CDH11: variants seen among roughly 807,000 people sequenced by gnomAD.
CDH11 encodes cadherin 11, also known as cadherin-11.
Under a neutral mutation model 67.8 loss-of-function variants are expected in CDH11, and 11 were observed. The observed-to-expected ratio is 0.16, with a 90% confidence interval of 0.10 to 0.27. The LOEUF (loss-of-function observed/expected upper bound fraction) is 0.27. CDH11 is among the 10% of genes least tolerant of loss of function. The probability of loss-of-function intolerance (pLI) is 1.00; values close to 1 mark genes in which losing one functional copy is unlikely to be tolerated. For synonymous variants in CDH11, 419 were observed against 400.0 expected, an observed-to-expected ratio of 1.05 and a Z score of -0.57; for missense variants, 847 against 1,031.2, an observed-to-expected ratio of 0.82 and a Z score of 2.45.
chr16:64,984,737 T>C (rs944223580), intron 7 of CDH11: 1 of 152,174 alleles, frequency 6.6e-6, no homozygotes, highest in African/African-American at 2.4e-5. Context: ...GATTCGTCAA[T>C]AGGATGGGAT....
At chr16:64,988,124 C>A (rs764954493) in intron 7 of CDH11, 33 bp downstream of exon 7, 2 of 1,550,492 alleles carry the variant, frequency 1.3e-6, no homozygotes, top group Non-Finnish European at 1.8e-6. Context: ...CAGGCCATAC[C>A]ACTGACACGT....
chr16:65,050,903 T>C (rs923183106), intron 2 of CDH11, among the ~76,000 whole-genome samples: 3 of 152,096 alleles, frequency 2.0e-5, no homozygotes, highest in Admixed American at 2.0e-4. Flanking sequence ...TTGCCCCTAT[T>C]ATCTAGAAAA....
At chr16:65,013,924 C>A (rs2073237269) in intron 2 of CDH11, among the ~76,000 whole-genome samples, 1 of 152,078 alleles carries the variant, frequency 6.6e-6, no homozygotes, top group Admixed American at 6.5e-5. Context: ...TGTACAGTAC[C>A]TGTCATATGG....
chr16:64,990,939 A>G (rs1249062829), intron 6 of CDH11, among the ~76,000 whole-genome samples: 1 of 152,140 alleles, frequency 6.6e-6, no homozygotes, highest in Non-Finnish European at 1.5e-5. Flanking sequence ...AACATGGCCA[A>G]AACAATATCT....
intron 2 of CDH11, among the ~76,000 whole-genome samples, chr16:65,029,679 A>T (rs536756019): frequency 9.2e-5 from 14 of 152,348 alleles, no homozygotes; most frequent in African/African-American, 3.1e-4. Flanking sequence ...ATGGGAGAAC[A>T]TTGAACGTTG....
chr16:65,117,559 A>C (rs1304191381), intron 1 of CDH11, among the ~76,000 whole-genome samples: 1 of 152,224 alleles, frequency 6.6e-6, no homozygotes, highest in African/African-American at 2.4e-5. Context: ...ACTCTCTGCT[A>C]AAGTTAGGTT....
intron 11 of CDH11, among the ~76,000 whole-genome samples, chr16:64,953,050 T>A (rs1226418507): frequency 6.6e-6 from 1 of 152,148 alleles, no homozygotes; most frequent in African/African-American, 2.4e-5. Context: ...AAATTACTTA[T>A]AATACCCAAT....
intron 1 of CDH11, among the ~76,000 whole-genome samples, chr16:65,070,818 T>G (rs2074402683): frequency 6.6e-6 from 1 of 152,154 alleles, no homozygotes; most frequent in African/African-American, 2.4e-5. Flanking sequence ...GGAAAAGGAA[T>G]TGCTTGTTAC....
intron 1 of CDH11, among the ~76,000 whole-genome samples, chr16:65,115,724 A>AAAAC (rs2075233915): frequency 1.4e-5 from 2 of 147,316 alleles, no homozygotes; most frequent in Non-Finnish European, 1.5e-5. Context: ...AAAAAAAACA[A>AAAAC]AAAAACAAAA....
At chr16:65,094,097 C>G (rs919862783) in intron 1 of CDH11, among the ~76,000 whole-genome samples, 2 of 152,096 alleles carry the variant, frequency 1.3e-5, no homozygotes, top group Non-Finnish European at 2.9e-5. Context: ...GTCGAATGGC[C>G]TTCATAAATA....
intron 7 of CDH11, among the ~76,000 whole-genome samples, chr16:64,984,047 T>G (rs996525463): frequency 1.3e-5 from 2 of 152,196 alleles, no homozygotes; most frequent in Non-Finnish European, 2.9e-5. Context: ...CATCCCAAGC[T>G]AGGCTCTCCA....
chr16:65,109,942 C>T (rs1156753715), intron 1 of CDH11, among the ~76,000 whole-genome samples: 2 of 152,248 alleles, frequency 1.3e-5, no homozygotes, highest in Admixed American at 6.5e-5. Context: ...AGTGCAGTGG[C>T]GCAATCCCAG....
intron 1 of CDH11, chr16:65,071,987 A>G (rs1481844627): frequency 1.3e-5 from 2 of 152,232 alleles, no homozygotes; most frequent in Non-Finnish European, 2.9e-5. Flanking sequence ...AGTAACTGGC[A>G]CCTGCATTCA....
chr16:65,011,093 T>TG (rs2073173347), intron 2 of CDH11, among the ~76,000 whole-genome samples: 1 of 123,476 alleles, frequency 8.1e-6, no homozygotes, highest in African/African-American at 3.2e-5. Flanking sequence ...CACACACATA[T>TG]TTTTTATATA....
intron 1 of CDH11, among the ~76,000 whole-genome samples, chr16:65,116,326 G>A (rs2075244373): frequency 6.6e-6 from 1 of 152,156 alleles, no homozygotes; most frequent in African/African-American, 2.4e-5. Flanking sequence ...CCTAATGGAG[G>A]CTGAAATGAG....
chr16:65,103,057 C>G (rs2075018626), intron 1 of CDH11, among the ~76,000 whole-genome samples: 1 of 152,220 alleles, frequency 6.6e-6, no homozygotes, highest in South Asian at 2.1e-4. Context: ...CATGCACATT[C>G]ATGCAGGTGC....
intron 11 of CDH11, among the ~76,000 whole-genome samples, chr16:64,956,704 T>G (rs913274273): frequency 6.6e-6 from 1 of 152,178 alleles, no homozygotes; most frequent in Non-Finnish European, 1.5e-5. Flanking sequence ...AAAAACAAAT[T>G]CAGGCTTCTA....
chr16:65,017,777 A>G (rs942685177), intron 2 of CDH11, among the ~76,000 whole-genome samples: 2 of 152,160 alleles, frequency 1.3e-5, no homozygotes, highest in African/African-American at 2.4e-5. Context: ...CAGCAGCCAG[A>G]GATCACTAGT....
In CDH11 at chr16:65,121,900, C is replaced by T. The variant is rs1163151235; in HGVS notation, c.-318G>A. ...CTCACCTGGGGCCCTTGAGGGTGGA[C>T]GCAACCTCCGAGCCGCCAGTCCCTG... On this transcript the variant is annotated 5_prime_UTR_variant, in exon 1 of 13. Coordinates refer to ENST00000268603, the MANE Select transcript of CDH11 (RefSeq NM_001797.4). The surrounding 1 kb of genome is among the most constrained non-coding windows in gnomAD (Gnocchi z 4.1). 1 of 701,858 alleles carries T rather than the reference C, an allele frequency of 1.4e-6. No homozygotes were observed. The highest frequency in any genetic ancestry group is 2.0e-5 in the Admixed American group (1 of 49,986). The allele number at this position is 701,858 out of a possible 1,614,324, so 43.5% of individuals were successfully genotyped here. A position where few individuals can be genotyped will look rare whatever the true frequency, so the allele number is the denominator to read the frequency against.
Sources: allele counts gnomAD v4.1 joint callset (sites outside exome capture counted in the v4.1 genomes callset), GRCh38; gene constraint gnomAD v4.1.1; non-coding constraint Gnocchi (gnomAD v3.1); transcripts MANE v1.5; gene names NCBI Gene and HGNC (gene_info 2026-07-23, HGNC 2026-07-21).